Variants in FAT2 observed in about 807,000 individuals in gnomAD.
FAT2 encodes the protein FAT atypical cadherin 2.
A neutral mutation model predicts 295.3 loss-of-function variants in FAT2; 150 were observed. The observed-to-expected ratio is 0.51, with a 90% CI of 0.44 to 0.58. The LOEUF (loss-of-function observed/expected upper bound fraction) is 0.58, where lower values mean the gene tolerates loss of function less well. FAT2 is among the 20% of genes least tolerant of loss of function. FAT2 has a pLI of 0.00. For synonymous variants in FAT2, 2,026 were observed against 2,150.3 expected (o/e 0.94, Z 1.60); for missense variants, 4,868 against 5,442.7 (o/e 0.89, Z 3.32).
In FAT2 at chr5:151,543,288, A is replaced by G. The variant is rs374332626; in HGVS notation, c.7839T>C (p.Asp2613=). ...AGGTGACATCTGCGTTCTGACCTTC[A>G]TCTGCATCATAGGCCAACACCTGGA... The part of the protein sequence containing the change: ...PVIQVLAYDA[D]EGQNADVTYS... Residue 2613 remains aspartate, a synonymous_variant, in exon 10 of 24, where the codon GAT becomes GAC. Coordinates refer to ENST00000261800, the MANE Select transcript of FAT2 (RefSeq NM_001447.3). The G allele has an allele frequency of 8.1e-6, 13 of 1,614,040 alleles. No homozygotes were observed. Among genetic ancestry groups the G allele is most frequent in the African/African-American group, 1.3e-5 (1 of 74,900 alleles).
Position 151,534,461 on chromosome 5 carries a change from G to A in FAT2, c.9375C>T (p.Asn3125=), listed in dbSNP as rs1755013179. The part of the protein sequence containing the change: ...PSHCAVAVFD[N]TTVKTPVAVV... Reference sequence around the variant, plus strand: ...CAGCCACAGGGGTCTTCACTGTGGTGTTGTCGAAGACAGCCACAGCACAGT... The same window carrying A: ...CAGCCACAGGGGTCTTCACTGTGGTATTGTCGAAGACAGCCACAGCACAGT... The change falls in exon 13 of 24, where the codon AAC becomes AAT. Residue 3125 remains asparagine, a synonymous_variant. Coordinates refer to ENST00000261800, the MANE Select transcript of FAT2 (RefSeq NM_001447.3). 1 of 1,613,900 alleles carries A rather than the reference G, an allele frequency of 6.2e-7. No individual in the cohort carries two copies. Among genetic ancestry groups the A allele is most frequent in the Non-Finnish European group, 8.5e-7 (1 of 1,179,978 alleles).
At position 151,517,765 on chromosome 5, in the gene FAT2, C is replaced by T. The variant is rs564367003; in HGVS notation, c.11318G>A (p.Gly3773Asp). The T allele has an allele frequency of 3.1e-6, 5 of 1,614,034 alleles. No individual in the cohort carries two copies. Among genetic ancestry groups the T allele is most frequent in the South Asian group, 1.1e-5 (1 of 91,060 alleles). ...HHLQRSCSCN[G>D]TATRFSGQSY... is the part of the protein sequence containing the mutation. ...CTGACCACTGAACCTTGTAGCAGTACCTGAGAAAGCAACCAAAGCTGTCAC... is the reference window on the plus strand; with the variant it reads ...CTGACCACTGAACCTTGTAGCAGTATCTGAGAAAGCAACCAAAGCTGTCAC... Residue 3773 changes from glycine (G) to aspartate (D), a missense_variant and splice_region_variant, in exon 20 of 24, where the codon GGT (glycine) becomes GAT (aspartate). Gly to Asp is a moderately conservative substitution (Grantham distance 94). Around this residue, in one of 5 missense-constraint regions of FAT2, gnomAD observed 1,046 missense variants for 1,210.1 expected, o/e 0.86. Coordinates refer to ENST00000261800, the MANE Select transcript of FAT2 (RefSeq NM_001447.3).
At chr5:151,578,787 A>G (rs1443034059) in intron 1 of FAT2, among the ~76,000 whole-genome samples, 1 of 152,230 alleles carries the variant, frequency 6.6e-6, no homozygotes, top group Non-Finnish European at 1.5e-5. Flanking sequence ...ATTCAGCCTT[A>G]AAAGGTGGGT....
intron 10 of FAT2, among the ~76,000 whole-genome samples, chr5:151,541,775 C>A (rs1242598288): frequency 6.6e-6 from 1 of 152,258 alleles, no homozygotes; most frequent in African/African-American, 2.4e-5. Context: ...ACTTCTCCAT[C>A]TGGGCCTTGG....
chr5:151,571,720 A>G (rs1208479887), intron 1 of FAT2, among the ~76,000 whole-genome samples: 1 of 152,220 alleles, frequency 6.6e-6, no homozygotes, highest in Admixed American at 6.5e-5. Context: ...ACAAGCTTGC[A>G]GGGCGCAGAA....
chr5:151,591,191 C>T lies in FAT2; in HGVS notation c.-47G>A, dbSNP rs1759390601. 6.6e-6 allele frequency among the ~76,000 whole-genome samples: 1 copy of T among 152,222 alleles called. No individual in the cohort carries two copies. Among genetic ancestry groups the T allele is most frequent in the Non-Finnish European group, 1.5e-5 (1 of 68,030 alleles). ...TGTGCCCTTCAGGTAGGGGAGGGTGCCCCAGAGCAGGCTGCTGGGCTGGCG... is the reference window on the plus strand; with the variant it reads ...TGTGCCCTTCAGGTAGGGGAGGGTGTCCCAGAGCAGGCTGCTGGGCTGGCG... On this transcript the variant is annotated 5_prime_UTR_variant, in exon 1 of 24. Transcript: ENST00000261800.
rs184105714 is a variant in FAT2, at chr5:151,534,547, C to T, written c.9289G>A (p.Ala3097Thr). The change falls in exon 13 of 24, where the codon GCA becomes ACA. Residue 3097 changes from alanine (A) to threonine (T), a missense_variant. Transcript: ENST00000261800. ...TCCTCCACATGGAGGGTGATGTCTG[C>T]CTGGCACGATCGGCCACCTCCATCC... is the stretch of plus-strand genomic sequence containing the variant. ...ATDGGGRSCQ[A>T]DITLHVEDVN... 6.2e-7 allele frequency: 1 copy of T among 1,614,098 alleles called. No individual in the cohort carries two copies. The highest frequency in any genetic ancestry group is 2.2e-5 in the East Asian group (1 of 44,868).
At chr5:151,536,093 A>G (rs1213445925) in intron 12 of FAT2, among the ~76,000 whole-genome samples, 1 of 152,224 alleles carries the variant, frequency 6.6e-6, no homozygotes, top group African/African-American at 2.4e-5. Context: ...AACCAGTCAG[A>G]TAGAATATAT....
intron 1 of FAT2, among the ~76,000 whole-genome samples, chr5:151,572,709 C>T (rs968552398): frequency 6.6e-5 from 10 of 152,214 alleles, no homozygotes; most frequent in Non-Finnish European, 1.5e-4. Flanking sequence ...AAGACATATT[C>T]GTTATTAGAT....
At chr5:151,540,331 T>A (rs142010651) in intron 11 of FAT2, among the ~76,000 whole-genome samples, 2 of 151,126 alleles carry the variant, frequency 1.3e-5, no homozygotes. Flanking sequence ...CAGAGATGGG[T>A]CCCTCGGTCC....
chr5:151,551,715 G>T, intron 6 of FAT2, 109 bp from the exon 7 acceptor site: 1 of 1,109,244 alleles, frequency 9.0e-7, no homozygotes, highest in Non-Finnish European at 1.3e-6. Flanking sequence ...AAATTCCACA[G>T]TACAAGATCT....
chr5:151,554,723 T>G (rs116811073), intron 4 of FAT2, 50 bp from the exon 5 acceptor site: 16,086 of 1,422,702 alleles, frequency 0.011, 114 homozygotes, highest in Non-Finnish European at 0.014. Flanking sequence ...TGCAAATTAG[T>G]GACTATGCTT....
rs1213943178 is a variant in FAT2 at position 151,568,895 on chromosome 5, G to A, written c.37C>T (p.Leu13Phe). The change falls in exon 2 of 24, where the codon CTC becomes TTC. Residue 13 changes from leucine (L) to phenylalanine (F), a missense_variant. Coordinates refer to ENST00000261800, the MANE Select transcript of FAT2 (RefSeq NM_001447.3). ...GGCTTCTCACAGGTCGCACAATGGA[G>A]CAAGAATATGGCAAAACCCAGCAGG... ...IALLGFAIFLLHCATCEKPLE... is the reference protein window; with the variant it reads ...IALLGFAIFLFHCATCEKPLE... 6.2e-7 allele frequency: 1 copy of A among 1,613,092 alleles called. No individual in the cohort carries two copies. Among genetic ancestry groups the A allele is most frequent in the Non-Finnish European group, 8.5e-7 (1 of 1,179,606 alleles).
chr5:151,540,895 A>ATACGGCG, intron 10 of FAT2, 132 bp from the exon 11 acceptor site: 2 of 781,058 alleles, frequency 2.6e-6, no homozygotes, highest in Non-Finnish European at 4.0e-6. Flanking sequence ...CTTAACTAGG[A>ATACGGCG]ACCCACGATT....
chr5:151,505,627 T>TG lies in FAT2; in HGVS notation c.12987dup (p.Asn4330GlnfsTer3). ...TCCACCATGTCAGAGCCCTCATAGTTGGGGGGCACCCGGGGCTGGCCCTGG... is the reference window on the plus strand; with the variant it reads ...TCCACCATGTCAGAGCCCTCATAGTTGGGGGGGCACCCGGGGCTGGCCCTGG... On this transcript the variant is annotated frameshift_variant, in exon 24 of 24. Transcript: ENST00000261800. LOFTEE classifies it high-confidence loss of function. 2 of 1,614,076 alleles carry TG rather than the reference T, an allele frequency of 1.2e-6. No individual in the cohort carries two copies. The highest frequency in any genetic ancestry group is 8.5e-7 in the Non-Finnish European group (1 of 1,180,000).
intron 20 of FAT2, among the ~76,000 whole-genome samples, chr5:151,515,732 T>C (rs1752796385): frequency 6.6e-6 from 1 of 152,210 alleles, no homozygotes; most frequent in African/African-American, 2.4e-5. Flanking sequence ...ATCACCCTGG[T>C]CTAAACCACC....
At chr5:151,540,862 T>C (rs1581386590) in intron 10 of FAT2, 99 bp from the exon 11 acceptor site, 2 of 1,121,512 alleles carry the variant, frequency 1.8e-6, no homozygotes, top group South Asian at 1.6e-5. Context: ...TTTAGAATTG[T>C]TGGGAAAGCA....
At chr5:151,551,369 G>T in intron 7 of FAT2, 98 bp downstream of exon 7, 1 of 1,281,494 alleles carries the variant, frequency 7.8e-7, no homozygotes, top group Non-Finnish European at 1.1e-6. Context: ...TGTTCCTTGA[G>T]GAACACCACA....
chr5:151,507,612 C>G lies in FAT2; in HGVS notation c.12060-1G>C, dbSNP rs750553614. ...ACAACCCCTCGCCTCCATTTCACAC[C>G]TGCGGAGACAGAGTAGTCAGGGGGC... On this transcript the variant is annotated splice_acceptor_variant, in intron 22 of 23. Transcript: ENST00000261800. LOFTEE classifies it high-confidence loss of function. 2 of 1,512,052 alleles carry G rather than the reference C, an allele frequency of 1.3e-6. No homozygotes were observed. The highest frequency in any genetic ancestry group is 4.1e-5 in the Admixed American group (2 of 49,056). 93.7% of individuals were successfully genotyped at this position (1,512,052 alleles called of 1,614,324 possible).
Sources: allele counts gnomAD v4.1 joint callset (sites outside exome capture counted in the v4.1 genomes callset), GRCh38; gene constraint gnomAD v4.1.1; regional missense constraint gnomAD v4.1.1; transcripts MANE v1.5; gene names NCBI Gene and HGNC (gene_info 2026-07-23, HGNC 2026-07-21).